The following ADAMTSL2 variants were observed in gnomAD, a reference collection of about 807,000 sequenced individuals.
The protein encoded by ADAMTSL2 is ADAMTS-like protein 2.
Under a neutral mutation model 117.0 loss-of-function variants are expected in ADAMTSL2, and 55 were observed. That is an observed-to-expected ratio of 0.47 (90% CI 0.38 to 0.59). ADAMTSL2 has a LOEUF of 0.59. ADAMTSL2 is among the 20% of genes least tolerant of loss of function. The pLI is 0.00. For synonymous variants in ADAMTSL2, 572 were observed against 566.4 expected, an observed-to-expected ratio of 1.01 and a Z score of -0.14; for missense variants, 1,182 against 1,354.5, an observed-to-expected ratio of 0.87 and a Z score of 2.00.
intron 12 of ADAMTSL2, among the ~76,000 whole-genome samples, chr9:133,564,736 G>C (rs1268538207): frequency 6.6e-6 from 1 of 151,100 alleles, no homozygotes; most frequent in Non-Finnish European, 1.5e-5. Flanking sequence ...GAGAGAGAGA[G>C]AGAAAGGGAG....
chr9:133,568,169 A>G, intron 13 of ADAMTSL2, 104 bp from the exon 14 acceptor site: 1 of 1,219,890 alleles, frequency 8.2e-7, no homozygotes, highest in Non-Finnish European at 1.2e-6. Context: ...TTTGGACCAC[A>G]TAGGGGAGGA....
In ADAMTSL2 at chr9:133,568,549, G is replaced by C; in HGVS notation, c.2089-54G>C. 2.6e-6 allele frequency: 4 copies of C among 1,560,702 alleles called. No individual in the cohort carries two copies. In the South Asian group the frequency reaches 3.5e-5, roughly 14 times the overall value. On this transcript the variant is annotated intron_variant, in intron 14 of 18. Transcript: ENST00000651351. The stretch of plus-strand genomic sequence containing the variant: ...GCTGGGGAGCTGGGCTTGGGAGATG[G>C]AGGTGGCTACACCTGTGTCACACCC...
intron 18 of ADAMTSL2, 69 bp from the exon 19 acceptor site, chr9:133,574,677 G>T: frequency 2.2e-6 from 3 of 1,367,482 alleles, no homozygotes; most frequent in Non-Finnish European, 3.1e-6. Context: ...GCACGTGGGG[G>T]TCCCTGGGGT....
intron 17 of ADAMTSL2, among the ~76,000 whole-genome samples, chr9:133,571,923 G>A (rs1010891998): frequency 6.6e-5 from 10 of 152,212 alleles, no homozygotes; most frequent in African/African-American, 1.9e-4. Context: ...AGCCTGGAAC[G>A]TTCATGGTGA....
chr9:133,568,305 G>C lies in ADAMTSL2; in HGVS notation c.1907G>C (p.Arg636Pro). The change falls in exon 14 of 19, where the codon CGC (arginine) becomes CCC (proline). Residue 636 changes from arginine to proline, a missense_variant. Arg to Pro is a moderately radical substitution (Grantham distance 103). Around this residue, in one of 3 missense-constraint regions of ADAMTSL2, gnomAD observed 465 missense variants for 565.3 expected, o/e 0.82. Transcript: ENST00000651351. ...WETSSWSECS[R>P]TCGEGYQFRV... is the part of the protein sequence containing the mutation. ...ACGAGCAGCTGGAGCGAGTGTTCGCGCACCTGCGGAGAGGGCTACCAGTTC... is the reference window on the plus strand; with the variant it reads ...ACGAGCAGCTGGAGCGAGTGTTCGCCCACCTGCGGAGAGGGCTACCAGTTC... 1 of 1,576,496 alleles carries C rather than the reference G, an allele frequency of 6.3e-7. No homozygotes were observed. Among genetic ancestry groups the C allele is most frequent in the Non-Finnish European group, 8.6e-7 (1 of 1,162,248 alleles).
intron 13 of ADAMTSL2, among the ~76,000 whole-genome samples, chr9:133,567,617 C>G (rs1831005337): frequency 6.6e-6 from 1 of 152,228 alleles, no homozygotes; most frequent in South Asian, 2.1e-4. Flanking sequence ...CCCTCCTGCT[C>G]CCCGCACACG....
At chr9:133,569,037 G>A (rs886289217) in intron 15 of ADAMTSL2, among the ~76,000 whole-genome samples, 177 of 151,990 alleles carry the variant, frequency 1.2e-3, no homozygotes, top group African/African-American at 4.0e-3. Context: ...GTCTGTCTCT[G>A]TCTCCCCGTC....
intron 3 of ADAMTSL2, 130 bp from the exon 4 acceptor site, chr9:133,538,218 GT>G: frequency 9.7e-7 from 1 of 1,033,106 alleles, no homozygotes; most frequent in Non-Finnish European, 1.5e-6. Context: ...TGGGAGTTGA[GT>G]AGGGAGGAAG....
At position 133,534,853 on chromosome 9, in the gene ADAMTSL2, C is replaced by A. The variant is rs928530432; in HGVS notation, c.-215C>A. The A allele has an allele frequency of 4.0e-6, 6 of 1,495,636 alleles. No individual in the cohort carries two copies. Among genetic ancestry groups the A allele is most frequent in the Admixed American group, 4.4e-5 (2 of 45,036 alleles). 92.6% of individuals were successfully genotyped at this position (1,495,636 alleles called of 1,614,324 possible). A position where few individuals can be genotyped will look rare whatever the true frequency, so the allele number is the denominator to read the frequency against. Reference sequence around the variant, plus strand: ...GCCCCCGCACGCACAGCGCACCTGGCGCCGTCTGCCCTCCGCAGCGCTCGC... The same window carrying A: ...GCCCCCGCACGCACAGCGCACCTGGAGCCGTCTGCCCTCCGCAGCGCTCGC... On this transcript the variant is annotated 5_prime_UTR_variant, in exon 1 of 19. Transcript: ENST00000651351.
At chr9:133,539,706 C>T (rs1466602588) in intron 4 of ADAMTSL2, 65 bp from the exon 5 acceptor site, 7 of 1,274,118 alleles carry the variant, frequency 5.5e-6, no homozygotes, top group Non-Finnish European at 7.7e-6. Flanking sequence ...CCTGCTTAGC[C>T]TGGACAAAAA....
At chr9:133,563,261 C>T (rs1331114836) in intron 12 of ADAMTSL2, among the ~76,000 whole-genome samples, 2 of 152,206 alleles carry the variant, frequency 1.3e-5, no homozygotes, top group African/African-American at 4.8e-5. Context: ...TACCCAGGAG[C>T]AGCTGGCCTT....
At chr9:133,560,748 A>AG (rs1388354416) in intron 11 of ADAMTSL2, among the ~76,000 whole-genome samples, 3 of 152,116 alleles carry the variant, frequency 2.0e-5, no homozygotes, top group African/African-American at 4.8e-5. Flanking sequence ...CAGCTGGAGG[A>AG]GGGGGTGGGA....
intron 8 of ADAMTSL2, 23 bp from the exon 9 acceptor site, chr9:133,547,015 G>C (rs577173243): frequency 6.2e-7 from 1 of 1,613,728 alleles, no homozygotes; most frequent in Non-Finnish European, 8.5e-7. Context: ...GGCCTTTTGT[G>C]ACCGGCGGCT....
chr9:133,534,780 G>T lies in ADAMTSL2; in HGVS notation c.-288G>T. 6.8e-7 allele frequency: 1 copy of T among 1,475,232 alleles called. No individual in the cohort carries two copies. The highest frequency in any genetic ancestry group is 9.0e-7 in the Non-Finnish European group (1 of 1,107,858). 91.4% of individuals were successfully genotyped at this position (1,475,232 alleles called of 1,614,324 possible). On this transcript the variant is annotated 5_prime_UTR_variant, in exon 1 of 19. It introduces an in-frame stop codon into an upstream open reading frame of the 5' UTR. Transcript: ENST00000651351. ...GGGAGAGGGAGGCGGCGCGGGGGAG[G>T]AGGGGAAGGGGAGAGGGAGGCCGGG... is the stretch of plus-strand genomic sequence containing the variant.
intron 10 of ADAMTSL2, 135 bp from the exon 11 acceptor site, chr9:133,555,423 C>A: frequency 8.9e-7 from 1 of 1,120,744 alleles, no homozygotes; most frequent in Non-Finnish European, 1.3e-6. Flanking sequence ...TCTAGTTAGG[C>A]AGAAGCCCTC....
chr9:133,534,598 G>A (rs988524923), upstream of ADAMTSL2: 1 of 1,235,680 alleles, frequency 8.1e-7, no homozygotes, highest in Non-Finnish European at 1.0e-6. Flanking sequence ...GTTAAAGTGT[G>A]CGCCAGGCCG....
chr9:133,536,853 G>A (rs1478157319), intron 2 of ADAMTSL2, 51 bp downstream of exon 2: 13 of 1,612,776 alleles, frequency 8.1e-6, no homozygotes, highest in Non-Finnish European at 1.0e-5. Flanking sequence ...CTACCCAGGT[G>A]CTGTGATCAC....
At chr9:133,572,410 G>A (rs62574234) in intron 17 of ADAMTSL2, among the ~76,000 whole-genome samples, 4,096 of 152,254 alleles carry the variant, frequency 0.027, 69 homozygotes, top group Middle Eastern at 0.1. Context: ...ACGGCGTGCC[G>A]GGCCCTGAAG....
intron 3 of ADAMTSL2, among the ~76,000 whole-genome samples, chr9:133,537,841 T>C (rs923560101): frequency 3.3e-5 from 5 of 152,216 alleles, no homozygotes; most frequent in African/African-American, 1.2e-4. Flanking sequence ...CTGACTTCTC[T>C]TCTGAAGACC....
Sources: allele counts gnomAD v4.1 joint callset (sites outside exome capture counted in the v4.1 genomes callset), GRCh38; gene constraint gnomAD v4.1.1; regional missense constraint gnomAD v4.1.1; transcripts MANE v1.5; gene names NCBI Gene and HGNC (gene_info 2026-07-23, HGNC 2026-07-21).